The following NOX4 variants were observed in gnomAD, a reference collection of about 807,000 sequenced individuals.
NOX4 encodes the protein NADPH oxidase 4.
Under a neutral mutation model 87.6 loss-of-function variants are expected in NOX4, and 69 were observed. That is an observed-to-expected ratio of 0.79 (90% CI 0.65 to 0.96). NOX4 has a LOEUF of 0.96. NOX4 is among the 40% of genes least tolerant of loss of function. The pLI, the probability that NOX4 is intolerant of heterozygous loss-of-function variation, is 0.00. For missense variants in NOX4, 680 were observed against 681.5 expected (o/e 1.00, Z 0.02); for synonymous variants, 275 against 238.2 (o/e 1.15, Z -1.42).
chr11:89,390,213 T>A (rs1270749312), intron 11 of NOX4, among the ~76,000 whole-genome samples: 2 of 152,156 alleles, frequency 1.3e-5, no homozygotes, highest in African/African-American at 4.8e-5. Context: ...TAATGTAAAA[T>A]TTAGCTTAGA....
chr11:89,329,142 G>C lies in NOX4; in HGVS notation c.1617-2266C>G, dbSNP rs111550142. ...TCATTGAAGCAGTGATGATACACAG[G>C]CTTCATATATTTAAAGAAAAGCATA... On this transcript the variant is annotated intron_variant, in intron 17 of 17. Coordinates refer to ENST00000263317, the MANE Select transcript of NOX4 (RefSeq NM_016931.5). 6.6e-5 allele frequency among the ~76,000 whole-genome samples: 10 copies of C among 151,598 alleles called. No homozygotes were observed. In the East Asian group the frequency reaches 9.7e-4, roughly 15 times the overall value.
At chr11:89,406,439 C>A (rs1457448017) in intron 8 of NOX4, among the ~76,000 whole-genome samples, 1 of 152,108 alleles carries the variant, frequency 6.6e-6, no homozygotes, top group Non-Finnish European at 1.5e-5. Flanking sequence ...TAAGATAACA[C>A]AAAGCTCTGT....
the NOX4 span, among the ~76,000 whole-genome samples, chr11:89,525,741 C>T: frequency 9.9e-5 from 15 of 151,944 alleles, no homozygotes; most frequent in African/African-American, 2.4e-4. Flanking sequence ...TAAATTTATC[C>T]GTTATGGAGG....
intron 11 of NOX4, among the ~76,000 whole-genome samples, chr11:89,386,659 C>T (rs960996902): frequency 1.3e-5 from 2 of 151,960 alleles, no homozygotes; most frequent in African/African-American, 4.8e-5. Context: ...GTGGAGGCCT[C>T]GACTTACTCA....
chr11:89,547,288 C>CA, the NOX4 span, among the ~76,000 whole-genome samples: 7 of 151,994 alleles, frequency 4.6e-5, no homozygotes, highest in Non-Finnish European at 2.9e-5. Context: ...ACTTGATAAA[C>CA]AACAGTAAGC....
chr11:89,538,250 T>C, the NOX4 span, among the ~76,000 whole-genome samples: 1 of 152,208 alleles, frequency 6.6e-6, no homozygotes, highest in Non-Finnish European at 1.5e-5. Context: ...AGTTGTTTAT[T>C]TCAATATTTT....
chr11:89,366,398 C>T (rs1436354063), intron 12 of NOX4, among the ~76,000 whole-genome samples: 2 of 152,032 alleles, frequency 1.3e-5, no homozygotes, highest in African/African-American at 4.8e-5. Context: ...AACATTTTGG[C>T]CAGGCACAGT....
intron 11 of NOX4, among the ~76,000 whole-genome samples, chr11:89,399,432 A>AATATATATAT (rs1208007737): frequency 0.012 from 917 of 75,254 alleles, 8 homozygotes; most frequent in South Asian, 0.018. Flanking sequence ...CAAGAAATTA[A>AATATATATAT]ATATATATAT....
At chr11:89,426,582 G>A (rs769579351) in intron 7 of NOX4, among the ~76,000 whole-genome samples, 22 of 152,066 alleles carry the variant, frequency 1.4e-4, no homozygotes, top group Non-Finnish European at 2.5e-4. Context: ...TATATCCCAC[G>A]CATGTCTCAG....
intron 17 of NOX4, among the ~76,000 whole-genome samples, chr11:89,334,342 A>C (rs1051867532): frequency 5.3e-5 from 8 of 151,782 alleles, no homozygotes; most frequent in African/African-American, 1.9e-4. Context: ...TATTACAAAA[A>C]AGTTCTGCTT....
At position 89,355,204 on chromosome 11, in the gene NOX4, T is replaced by C. The variant is rs1356789445; in HGVS notation, c.1136-161A>G. Among the ~76,000 whole-genome samples the C allele has an allele frequency of 2.0e-5, 3 of 151,276 alleles. No homozygotes were observed. In the Admixed American group the frequency reaches 2.0e-4, roughly 10 times the overall value. On this transcript the variant is annotated intron_variant, in intron 12 of 17. Coordinates refer to ENST00000263317, the MANE Select transcript of NOX4 (RefSeq NM_016931.5). ...CACCATTTTATGTATTACTAATATATACATAGTGTATGTATGTGTGTGTGT... is the reference window on the plus strand; with the variant it reads ...CACCATTTTATGTATTACTAATATACACATAGTGTATGTATGTGTGTGTGT...
the NOX4 span, among the ~76,000 whole-genome samples, chr11:89,587,866 C>T: frequency 3.5e-3 from 533 of 152,158 alleles, 1 homozygote; most frequent in Non-Finnish European, 5.3e-3. Flanking sequence ...CACTGGAGAA[C>T]AGATGGCCAC....
At chr11:89,473,454 C>T (rs1346252184) in intron 2 of NOX4, among the ~76,000 whole-genome samples, 2 of 146,210 alleles carry the variant, frequency 1.4e-5, no homozygotes, top group East Asian at 2.0e-4. Context: ...ATACTGGTGG[C>T]CTGAATAAAC....
At position 89,389,028 on chromosome 11, in the gene NOX4, G is replaced by C. The variant is rs183852452; in HGVS notation, c.1074+10989C>G. On this transcript the variant is annotated intron_variant, in intron 11 of 17. Coordinates refer to ENST00000263317, the MANE Select transcript of NOX4 (RefSeq NM_016931.5). Reference sequence around the variant, plus strand: ...TCCACAGTCATAATACTAGGAAGTAGAGCATACAGGTCTCCATCCCAAGCT... The same window carrying C: ...TCCACAGTCATAATACTAGGAAGTACAGCATACAGGTCTCCATCCCAAGCT... Among the ~76,000 whole-genome samples the C allele has an allele frequency of 6.2e-4, 94 of 152,270 alleles. 2 individuals carry two copies. Among genetic ancestry groups the C allele is most frequent in the African/African-American group, 2.1e-3 (88 of 41,554 alleles).
At chr11:89,473,134 C>T (rs1286181441) in intron 2 of NOX4, among the ~76,000 whole-genome samples, 3 of 152,146 alleles carry the variant, frequency 2.0e-5, no homozygotes, top group Non-Finnish European at 2.9e-5. Flanking sequence ...GGTTTCAAAA[C>T]TTACAGAGCA....
At chr11:89,563,870 A>C in the NOX4 span, among the ~76,000 whole-genome samples, 1 of 152,192 alleles carries the variant, frequency 6.6e-6, no homozygotes, top group Non-Finnish European at 1.5e-5. Flanking sequence ...GTATTTCGGA[A>C]ATACAGAAAA....
Position 89,477,937 on chromosome 11 carries a change from C to T in NOX4, c.153+12521G>A, listed in dbSNP as rs140023941. Among the ~76,000 whole-genome samples, 636 of 152,172 alleles carry T rather than the reference C, an allele frequency of 4.2e-3. 12 individuals are homozygous for T. Among genetic ancestry groups the T allele is most frequent in the East Asian group, 8.9e-3 (46 of 5,176 alleles). On this transcript the variant is annotated intron_variant, in intron 2 of 17. Coordinates refer to ENST00000263317, the MANE Select transcript of NOX4 (RefSeq NM_016931.5). ...TTTTCATATCACTTCAAAATGCATG[C>T]TTTGCTCTAAACTAGAAGGTATTTT...
At chr11:89,350,206 T>C (rs1170773063) in intron 13 of NOX4, among the ~76,000 whole-genome samples, 2 of 152,166 alleles carry the variant, frequency 1.3e-5, no homozygotes, top group Non-Finnish European at 1.5e-5. Flanking sequence ...AATGTAAAAA[T>C]TGATTAATGA....
intron 15 of NOX4, among the ~76,000 whole-genome samples, chr11:89,338,505 T>C (rs1945828515): frequency 6.6e-6 from 1 of 152,146 alleles, no homozygotes; most frequent in African/African-American, 2.4e-5. Flanking sequence ...GGTACATACC[T>C]AGAACCAATG....
Sources: allele counts gnomAD v4.1 joint callset (sites outside exome capture counted in the v4.1 genomes callset), GRCh38; gene constraint gnomAD v4.1.1; transcripts MANE v1.5; gene names NCBI Gene and HGNC (gene_info 2026-07-23, HGNC 2026-07-21).